Variants in BANK1 observed in about 807,000 individuals in gnomAD.
The protein encoded by BANK1 is B-cell scaffold protein with ankyrin repeats.
A neutral mutation model predicts 94.5 loss-of-function variants in BANK1; 95 were observed. That is an observed-to-expected ratio of 1.00 (90% confidence interval 0.85 to 1.19). The LOEUF is 1.19. Ranked by LOEUF, BANK1 falls within the 50% of genes most tolerant of loss-of-function variation. The pLI, the probability that BANK1 is intolerant of heterozygous loss-of-function variation, is 0.00. For synonymous variants in BANK1, 334 were observed against 308.4 expected, an observed-to-expected ratio of 1.08 and a Z score of -0.87; for missense variants, 987 against 932.2, an observed-to-expected ratio of 1.06 and a Z score of -0.77.
At chr4:102,011,244 G>C (rs975671099) in intron 7 of BANK1, among the ~76,000 whole-genome samples, 7 of 152,182 alleles carry the variant, frequency 4.6e-5, no homozygotes, top group Admixed American at 3.3e-4. Flanking sequence ...GTTTGCTTAA[G>C]GCATTCACAG....
At chr4:101,862,241 G>A (rs1032184820) in intron 3 of BANK1, among the ~76,000 whole-genome samples, 7 of 152,018 alleles carry the variant, frequency 4.6e-5, no homozygotes, top group Admixed American at 1.3e-4. Context: ...TGAGGAAGAC[G>A]CAAGAAGAAA....
chr4:101,873,416 T>A (rs1479856778), intron 5 of BANK1, among the ~76,000 whole-genome samples: 3 of 152,162 alleles, frequency 2.0e-5, no homozygotes, highest in African/African-American at 4.8e-5. Context: ...ACATGAACAT[T>A]GTGTGAATTT....
intron 1 of BANK1, among the ~76,000 whole-genome samples, chr4:101,828,048 A>G (rs1478972969): frequency 6.6e-6 from 1 of 151,838 alleles, no homozygotes; most frequent in Non-Finnish European, 1.5e-5. Context: ...TATTATAACT[A>G]TAAACACATG....
chr4:101,875,986 A>G (rs1728475240), intron 5 of BANK1, among the ~76,000 whole-genome samples: 1 of 152,108 alleles, frequency 6.6e-6, no homozygotes, highest in African/African-American at 2.4e-5. Context: ...CATGGCTCCA[A>G]AAGAGACCCC....
At chr4:101,821,400 C>T (rs1406539306) in intron 1 of BANK1, among the ~76,000 whole-genome samples, 1 of 151,980 alleles carries the variant, frequency 6.6e-6, no homozygotes, top group East Asian at 1.9e-4. Context: ...CCATTCTGTA[C>T]GTTGTCTGTT....
chr4:101,836,633 T>G lies in BANK1; in HGVS notation c.469+6427T>G, dbSNP rs554229918. On this transcript the variant is annotated intron_variant, in intron 2 of 16. Coordinates refer to ENST00000322953, the MANE Select transcript of BANK1 (RefSeq NM_017935.5). ...TTCTGGTACAGTTTGGTTTTTCTCTTTATTGAAACCTCTTGATGAAAGGTT... is the reference window on the plus strand; with the variant it reads ...TTCTGGTACAGTTTGGTTTTTCTCTGTATTGAAACCTCTTGATGAAAGGTT... 5.9e-5 allele frequency among the ~76,000 whole-genome samples: 9 copies of G among 152,352 alleles called. 1 individual carries two copies. The highest frequency in any genetic ancestry group is 6.8e-3 in the Middle Eastern group (2 of 294).
At chr4:102,033,200 A>G (rs1428914587) in intron 10 of BANK1, among the ~76,000 whole-genome samples, 1 of 152,168 alleles carries the variant, frequency 6.6e-6, no homozygotes, top group South Asian at 2.1e-4. Flanking sequence ...TCCGTCTCGT[A>G]TGTAATTCCT....
intron 2 of BANK1, among the ~76,000 whole-genome samples, chr4:101,853,253 A>G (rs922624611): frequency 6.6e-5 from 10 of 152,214 alleles, no homozygotes; most frequent in African/African-American, 2.4e-4. Flanking sequence ...TTTTCTTCTC[A>G]GAAACAGCGT....
At chr4:101,938,704 G>A (rs1723651706) in intron 7 of BANK1, among the ~76,000 whole-genome samples, 1 of 151,556 alleles carries the variant, frequency 6.6e-6, no homozygotes, top group Non-Finnish European at 1.5e-5. Context: ...GTCCATAAAA[G>A]CTATTTACTG....
At chr4:101,899,736 A>G (rs993786189) in intron 6 of BANK1, among the ~76,000 whole-genome samples, 1 of 152,180 alleles carries the variant, frequency 6.6e-6, no homozygotes, top group Non-Finnish European at 1.5e-5. Flanking sequence ...AAACTAAACA[A>G]CAAGGTTGAT....
intron 13 of BANK1, among the ~76,000 whole-genome samples, chr4:102,063,394 G>T (rs960785343): frequency 2.6e-5 from 4 of 151,564 alleles, no homozygotes; most frequent in South Asian, 2.1e-4. Flanking sequence ...CATAATGAAA[G>T]TTCATAATGA....
intron 7 of BANK1, among the ~76,000 whole-genome samples, chr4:102,010,133 CGG>C (rs1726445034): frequency 2.7e-5 from 4 of 150,772 alleles, no homozygotes; most frequent in Non-Finnish European, 4.4e-5. Context: ...GGTGTGGTGG[CGG>C]GCGCCTGTAG....
chr4:101,962,088 C>T (rs1055473685), intron 7 of BANK1, among the ~76,000 whole-genome samples: 1 of 152,124 alleles, frequency 6.6e-6, no homozygotes, highest in Non-Finnish European at 1.5e-5. Flanking sequence ...GGGGTGCTAT[C>T]ACCCACTCCT....
intron 15 of BANK1, among the ~76,000 whole-genome samples, chr4:102,072,933 AT>A (rs935666517): frequency 6.6e-6 from 1 of 152,032 alleles, no homozygotes; most frequent in Non-Finnish European, 1.5e-5. Flanking sequence ...CCTGACTACA[AT>A]TTTTCTTCAT....
intron 7 of BANK1, among the ~76,000 whole-genome samples, chr4:101,991,091 T>A (rs563656554): frequency 1.3e-5 from 2 of 152,322 alleles, no homozygotes; most frequent in South Asian, 4.1e-4. Context: ...CCCCGTTTTG[T>A]ATATGAGAAA....
At position 102,074,183 on chromosome 4, in the gene BANK1, T is replaced by C. The variant is rs1728848519; in HGVS notation, c.*184T>C. On this transcript the variant is annotated 3_prime_UTR_variant, in exon 17 of 17. Coordinates refer to ENST00000322953, the MANE Select transcript of BANK1 (RefSeq NM_017935.5). Reference sequence around the variant, plus strand: ...TCTCATTATACCTGCTTCATATGGGTATATTACTATTAAAACAGAATACCA... The same window carrying C: ...TCTCATTATACCTGCTTCATATGGGCATATTACTATTAAAACAGAATACCA... 6.5e-6 allele frequency: 1 copy of C among 154,602 alleles called. No individual in the cohort carries two copies. The highest frequency in any genetic ancestry group is 2.0e-4 in the South Asian group (1 of 4,956). 9.6% of individuals were successfully genotyped at this position (154,602 alleles called of 1,614,324 possible).
intron 4 of BANK1, among the ~76,000 whole-genome samples, chr4:101,869,779 TG>T (rs1728215174): frequency 6.6e-6 from 1 of 151,992 alleles, no homozygotes; most frequent in African/African-American, 2.4e-5. Context: ...AATTACATTT[TG>T]TTTAGTATTC....
chr4:101,969,991 A>G (rs746698249), intron 7 of BANK1, among the ~76,000 whole-genome samples: 3 of 152,144 alleles, frequency 2.0e-5, no homozygotes, highest in Non-Finnish European at 4.4e-5. Context: ...AATAGTTTCA[A>G]TCAATAAGAT....
chr4:101,863,410 T>C (rs943700246), intron 4 of BANK1, among the ~76,000 whole-genome samples: 2 of 152,088 alleles, frequency 1.3e-5, no homozygotes, highest in African/African-American at 4.8e-5. Context: ...AAATGTGAAC[T>C]TTATAAAATA....
Sources: allele counts gnomAD v4.1 joint callset (sites outside exome capture counted in the v4.1 genomes callset), GRCh38; gene constraint gnomAD v4.1.1; transcripts MANE v1.5; gene names NCBI Gene and HGNC (gene_info 2026-07-23, HGNC 2026-07-21).